Variants in NAALADL2 observed in about 807,000 individuals in gnomAD.
The protein encoded by NAALADL2 is inactive N-acetylated-alpha-linked acidic dipeptidase-like protein 2.
NAALADL2 carries 76 observed loss-of-function variants against 87.2 expected under a neutral mutation model. The observed-to-expected ratio is 0.87, with a 90% CI of 0.72 to 1.05. NAALADL2 has a LOEUF of 1.05. Among genes scored for constraint, NAALADL2 ranks in the 50% least tolerant of loss-of-function variants. The pLI, the probability that NAALADL2 is intolerant of heterozygous loss-of-function variation, is 0.00. For synonymous variants in NAALADL2, 354 were observed against 331.0 expected, an observed-to-expected ratio of 1.07 and a Z score of -0.75; for missense variants, 1,089 against 945.8, an observed-to-expected ratio of 1.15 and a Z score of -1.99.
At chr3:174,801,064 G>T (rs73050167) in intron 3 of NAALADL2, among the ~76,000 whole-genome samples, 1 of 152,134 alleles carries the variant, frequency 6.6e-6, no homozygotes, top group African/African-American at 2.4e-5. Flanking sequence ...TGAGACTTGG[G>T]ACTACAGAAT....
chr3:175,769,502 A>T (rs1469988109), intron 13 of NAALADL2, among the ~76,000 whole-genome samples: 1 of 152,190 alleles, frequency 6.6e-6, no homozygotes, highest in South Asian at 2.1e-4. Context: ...TTAATATCTC[A>T]TTATAGGTAG....
intron 4 of NAALADL2, among the ~76,000 whole-genome samples, chr3:175,319,574 C>T (rs982138616): frequency 1.3e-5 from 2 of 152,160 alleles, no homozygotes; most frequent in African/African-American, 4.8e-5. Flanking sequence ...AATCCCAGCC[C>T]TTCGGGAGGC....
intron 2 of NAALADL2, among the ~76,000 whole-genome samples, chr3:174,602,188 A>G (rs968910520): frequency 6.6e-6 from 1 of 152,160 alleles, no homozygotes; most frequent in African/African-American, 2.4e-5. Flanking sequence ...AAGGGGTTGC[A>G]TTAAATCTGT....
rs5854656 is a variant in NAALADL2, at chr3:175,730,395, GATATATATATATATATATATATAT to G, written c.1897-6885_1897-6862del. 8.7e-3 allele frequency among the ~76,000 whole-genome samples: 485 copies of G among 55,750 alleles called. 9 individuals are homozygous for G. The highest frequency in any genetic ancestry group is 0.028 in the Middle Eastern group (2 of 72). 36.6% of individuals were successfully genotyped at this position (55,750 alleles called of 152,430 possible). On this transcript the variant is annotated intron_variant, in intron 11 of 13. Coordinates refer to ENST00000454872, the MANE Select transcript of NAALADL2 (RefSeq NM_207015.3). The stretch of plus-strand genomic sequence containing the variant: ...GAGTATTTTCAGAAAACTTAATACA[GATATATATATATATATATATATAT>G]ATATATATATATATATATATATATA...
At chr3:175,388,294 T>A (rs1768646205) in intron 5 of NAALADL2, among the ~76,000 whole-genome samples, 1 of 152,134 alleles carries the variant, frequency 6.6e-6, no homozygotes, top group Non-Finnish European at 1.5e-5. Context: ...TCAATATACA[T>A]GATTTTCTAT....
At chr3:175,083,455 A>T (rs1718269214) in intron 1 of NAALADL2, among the ~76,000 whole-genome samples, 2 of 152,200 alleles carry the variant, frequency 1.3e-5, no homozygotes, top group African/African-American at 4.8e-5. Flanking sequence ...ATAAAATATT[A>T]ATAACTAGTA....
intron 1 of NAALADL2, among the ~76,000 whole-genome samples, chr3:175,062,476 C>CTG (rs71792051): frequency 0.08 from 10,473 of 131,406 alleles, 496 homozygotes; most frequent in East Asian, 0.27. Context: ...GGAAGTTTGG[C>CTG]TGTGTGTGTG....
intron 3 of NAALADL2, among the ~76,000 whole-genome samples, chr3:174,774,581 T>C (rs1316531733): frequency 1.3e-5 from 2 of 152,136 alleles, no homozygotes; most frequent in Non-Finnish European, 2.9e-5. Flanking sequence ...GCAGTGACAG[T>C]TTGGCCTCAT....
At chr3:175,750,985 CTG>C (rs1205710521) in intron 12 of NAALADL2, among the ~76,000 whole-genome samples, 1 of 151,930 alleles carries the variant, frequency 6.6e-6, no homozygotes, top group Non-Finnish European at 1.5e-5. Context: ...TAAATGCAAA[CTG>C]TTTTTGTTTG....
chr3:174,560,936 T>C (rs1713529776), intron 2 of NAALADL2, among the ~76,000 whole-genome samples: 1 of 152,178 alleles, frequency 6.6e-6, no homozygotes, highest in African/African-American at 2.4e-5. Flanking sequence ...TAGACTAACA[T>C]AAAGCAATTT....
intron 2 of NAALADL2, among the ~76,000 whole-genome samples, chr3:175,132,239 C>T (rs1280209799): frequency 1.3e-4 from 7 of 55,228 alleles, no homozygotes; most frequent in Non-Finnish European, 2.2e-4. Context: ...ACCTCCCGGA[C>T]GGGGCGGCTG....
intron 2 of NAALADL2, among the ~76,000 whole-genome samples, chr3:175,211,543 A>T (rs1157973041): frequency 6.6e-6 from 1 of 151,950 alleles, no homozygotes; most frequent in Non-Finnish European, 1.5e-5. Context: ...TATTTTACTT[A>T]TAACAAAATG....
intron 1 of NAALADL2, among the ~76,000 whole-genome samples, chr3:175,058,619 C>T (rs184962504): frequency 2.8e-4 from 42 of 152,172 alleles, no homozygotes; most frequent in Middle Eastern, 3.4e-3. Context: ...GCAGAGAGAA[C>T]CTTCTGAAAA....
At chr3:175,739,859 C>G (rs574859763) in intron 12 of NAALADL2, among the ~76,000 whole-genome samples, 6 of 152,276 alleles carry the variant, frequency 3.9e-5, no homozygotes, top group African/African-American at 1.2e-4. Context: ...AAACTAATAT[C>G]AATCACTAAA....
intron 9 of NAALADL2, among the ~76,000 whole-genome samples, chr3:175,554,493 T>G (rs1358425093): frequency 2.0e-5 from 3 of 152,136 alleles, no homozygotes; most frequent in Admixed American, 2.0e-4. Context: ...CCTACTTATA[T>G]AATATATTCA....
intron 1 of NAALADL2, among the ~76,000 whole-genome samples, chr3:174,868,325 G>A (rs1011375520): frequency 6.6e-6 from 1 of 152,040 alleles, no homozygotes; most frequent in African/African-American, 2.4e-5. Flanking sequence ...TCAGTTCTTT[G>A]GGAAATTTAG....
chr3:174,698,945 G>T (rs1729286650), intron 2 of NAALADL2, among the ~76,000 whole-genome samples: 1 of 143,402 alleles, frequency 7.0e-6, no homozygotes, highest in Non-Finnish European at 1.5e-5. Context: ...ATATATATAT[G>T]AATGTGTGTG....
intron 5 of NAALADL2, among the ~76,000 whole-genome samples, chr3:175,440,481 A>T (rs1719547593): frequency 6.6e-6 from 1 of 151,980 alleles, no homozygotes; most frequent in Non-Finnish European, 1.5e-5. Flanking sequence ...TGGCAGTATG[A>T]TCATTTTCAC....
chr3:175,498,402 A>C (rs780887374), intron 9 of NAALADL2, among the ~76,000 whole-genome samples: 1 of 152,100 alleles, frequency 6.6e-6, no homozygotes, highest in African/African-American at 2.4e-5. Context: ...CCCCAGTCCA[A>C]GAAGTCTTTA....
Sources: allele counts gnomAD v4.1 joint callset (sites outside exome capture counted in the v4.1 genomes callset), GRCh38; gene constraint gnomAD v4.1.1; transcripts MANE v1.5; gene names NCBI Gene and HGNC (gene_info 2026-07-23, HGNC 2026-07-21).